TENM3: variants seen among roughly 807,000 people sequenced by gnomAD.
TENM3 encodes teneurin-3.
A neutral mutation model predicts 255.1 loss-of-function variants in TENM3; 63 were observed. The ratio of observed to expected loss-of-function variants is 0.25; its 90% CI spans 0.20 to 0.30. TENM3 has a LOEUF of 0.30. TENM3 is among the 10% of genes least tolerant of loss of function. The pLI, the probability that TENM3 is intolerant of heterozygous loss-of-function variation, is 1.00. For missense variants in TENM3, 2,929 were observed against 3,461.1 expected (o/e 0.85, Z 3.86); for synonymous variants, 1,306 against 1,322.3 (o/e 0.99, Z 0.27).
chr4:182,468,317 G>GT (rs758821513), intron 3 of TENM3, among the ~76,000 whole-genome samples: 9 of 152,180 alleles, frequency 5.9e-5, no homozygotes, highest in Non-Finnish European at 8.8e-5. Context: ...ATATTTGACA[G>GT]TGGTCAGATT....
intron 12 of TENM3, among the ~76,000 whole-genome samples, chr4:182,690,246 C>T (rs151289484): frequency 1.4e-4 from 21 of 152,326 alleles, no homozygotes; most frequent in Non-Finnish European, 2.5e-4. Flanking sequence ...ACAGTCATAG[C>T]GCTTGCACAG....
the TENM3 span, among the ~76,000 whole-genome samples, chr4:182,124,791 A>C: frequency 6.6e-6 from 1 of 152,348 alleles, no homozygotes; most frequent in Admixed American, 6.5e-5. Context: ...AGTCAACTAC[A>C]GTCTGAATAT....
At chr4:182,570,929 T>G (rs986734416) in intron 3 of TENM3, among the ~76,000 whole-genome samples, 3 of 152,050 alleles carry the variant, frequency 2.0e-5, no homozygotes, top group Non-Finnish European at 4.4e-5. Context: ...GGTCACACTG[T>G]GAGAAGGCTG....
chr4:181,527,705 A>C, the TENM3 span, among the ~76,000 whole-genome samples: 1 of 151,868 alleles, frequency 6.6e-6, no homozygotes, highest in African/African-American at 2.4e-5. Context: ...GTATATATGA[A>C]AGTGTGTATT....
chr4:181,474,526 G>A, the TENM3 span, among the ~76,000 whole-genome samples: 1 of 151,964 alleles, frequency 6.6e-6, no homozygotes, highest in South Asian at 2.1e-4. Flanking sequence ...ATGGGGTCAG[G>A]AGTTTGGGAC....
intron 3 of TENM3, among the ~76,000 whole-genome samples, chr4:182,600,577 A>C (rs950716761): frequency 7.2e-5 from 11 of 152,184 alleles, no homozygotes; most frequent in African/African-American, 2.4e-4. Flanking sequence ...TGTTAAAAAA[A>C]GCTGAAATCT....
At chr4:182,298,738 C>T (rs754493635) in intron 1 of TENM3, among the ~76,000 whole-genome samples, 1 of 151,764 alleles carries the variant, frequency 6.6e-6, no homozygotes, top group Non-Finnish European at 1.5e-5. Flanking sequence ...TTTGAGAAGC[C>T]GAGGCAGGTG....
chr4:182,199,299 A>G (rs1269364579), intron 1 of TENM3, among the ~76,000 whole-genome samples: 1 of 152,078 alleles, frequency 6.6e-6, no homozygotes, highest in Non-Finnish European at 1.5e-5. Flanking sequence ...CCCCGTCTCT[A>G]CTATCCCAGC....
the TENM3 span, among the ~76,000 whole-genome samples, chr4:181,766,426 A>T: frequency 6.6e-6 from 1 of 151,992 alleles, no homozygotes; most frequent in East Asian, 1.9e-4. Context: ...CAGTGAAAAA[A>T]ATTACCCCCA....
chr4:182,126,161 G>A, the TENM3 span, among the ~76,000 whole-genome samples: 1 of 152,096 alleles, frequency 6.6e-6, no homozygotes, highest in Non-Finnish European at 1.5e-5. Context: ...ATATTTTCGA[G>A]TGGCATTTTC....
chr4:182,758,260 G>T (rs192314174), intron 22 of TENM3, among the ~76,000 whole-genome samples: 8 of 152,186 alleles, frequency 5.3e-5, no homozygotes, highest in African/African-American at 1.7e-4. Context: ...TTGTAATTTG[G>T]CTGTGAAAGA....
the TENM3 span, among the ~76,000 whole-genome samples, chr4:181,617,508 C>A: frequency 6.6e-6 from 1 of 152,126 alleles, no homozygotes; most frequent in African/African-American, 2.4e-5. Flanking sequence ...GAACAGGAAG[C>A]ACCAAGGGCC....
chr4:182,759,207 G>T (rs1235434333), intron 22 of TENM3, among the ~76,000 whole-genome samples: 2 of 152,278 alleles, frequency 1.3e-5, no homozygotes, highest in East Asian at 3.9e-4. Flanking sequence ...TTCATAAAAT[G>T]CAAACTCCCA....
intron 22 of TENM3, among the ~76,000 whole-genome samples, chr4:182,760,004 A>G (rs1763021404): frequency 6.6e-6 from 1 of 152,200 alleles, no homozygotes. Context: ...CTTTGAAATC[A>G]CTGAGTTAGA....
chr4:182,069,827 CAGATG>C, the TENM3 span, among the ~76,000 whole-genome samples: 1 of 152,072 alleles, frequency 6.6e-6, no homozygotes, highest in Non-Finnish European at 1.5e-5. Flanking sequence ...ACTAAGGCTA[CAGATG>C]AAGGGAGGAG....
At chr4:182,250,623 T>C (rs1269057449) in intron 1 of TENM3, among the ~76,000 whole-genome samples, 1 of 152,182 alleles carries the variant, frequency 6.6e-6, no homozygotes, top group African/African-American at 2.4e-5. Flanking sequence ...GTGACTTTTT[T>C]GTAAAGCCAA....
intron 3 of TENM3, among the ~76,000 whole-genome samples, chr4:182,451,267 T>TGG (rs1231024443): frequency 6.6e-6 from 1 of 152,184 alleles, no homozygotes; most frequent in Non-Finnish European, 1.5e-5. Context: ...TGGCCTAGTG[T>TGG]GGGGCATAAT....
At chr4:181,605,597 GAAAGAAAGAAAGAAAGAAAAGAAA>G in the TENM3 span, among the ~76,000 whole-genome samples, 1 of 123,520 alleles carries the variant, frequency 8.1e-6, no homozygotes, top group African/African-American at 2.8e-5. Context: ...AAGAAAGAAA[GAAAGAAAGAAAGAAAGAAAAGAAA>G]GAACAAGCAA....
At chr4:181,893,138 T>C in the TENM3 span, among the ~76,000 whole-genome samples, 1 of 152,194 alleles carries the variant, frequency 6.6e-6, no homozygotes, top group African/African-American at 2.4e-5. Flanking sequence ...GGAAGGTTTA[T>C]ATGTATTCTC....
Sources: allele counts gnomAD v4.1 joint callset (sites outside exome capture counted in the v4.1 genomes callset), GRCh38; gene constraint gnomAD v4.1.1; transcripts MANE v1.5; gene names NCBI Gene and HGNC (gene_info 2026-07-23, HGNC 2026-07-21).